The following NHLRC2 variants were observed in gnomAD, a reference collection of about 807,000 sequenced individuals.
The protein encoded by NHLRC2 is NHL repeat-containing protein 2.
NHLRC2 carries 33 observed loss-of-function variants against 68.1 expected under a neutral mutation model. The ratio of observed to expected loss-of-function variants is 0.48; its 90% CI spans 0.37 to 0.65. The LOEUF (loss-of-function observed/expected upper bound fraction) is 0.65. Among genes scored for constraint, NHLRC2 ranks in the 30% least tolerant of loss-of-function variants. The probability of loss-of-function intolerance (pLI) is 0.00; values close to 1 mark genes in which losing one functional copy is unlikely to be tolerated. For missense variants in NHLRC2, 761 were observed against 853.8 expected (o/e 0.89, Z 1.35); for synonymous variants, 311 against 309.6 (o/e 1.00, Z -0.05).
rs767727175 is a variant in NHLRC2, at chr10:113,901,831, A to G, written c.1305A>G (p.Thr435=). Reference sequence around the variant, plus strand: ...TTGTAGCAGATAGTGAGAGCAGTACAGTGAGAACCGTTTCACTGAAAGATG... The same window carrying G: ...TTGTAGCAGATAGTGAGAGCAGTACGGTGAGAACCGTTTCACTGAAAGATG... The part of the protein sequence containing the change: ...CLFVADSESS[T]VRTVSLKDGA... The change falls in exon 7 of 11, where the codon ACA becomes ACG. Residue 435 remains threonine, a synonymous_variant. Coordinates refer to ENST00000369301, the MANE Select transcript of NHLRC2 (RefSeq NM_198514.4). 27 of 1,614,052 alleles carry G rather than the reference A, an allele frequency of 1.7e-5. No homozygotes were observed. Among genetic ancestry groups the G allele is most frequent in the Non-Finnish European group, 2.1e-5 (25 of 1,180,014 alleles).
chr10:113,899,938 T>G (rs1846213694), intron 6 of NHLRC2, among the ~76,000 whole-genome samples: 1 of 151,768 alleles, frequency 6.6e-6, no homozygotes, highest in Admixed American at 6.6e-5. Flanking sequence ...AAATTGAAAT[T>G]GTTCCTTATA....
At chr10:113,864,766 A>G (rs939064970) in intron 2 of NHLRC2, among the ~76,000 whole-genome samples, 1 of 151,690 alleles carries the variant, frequency 6.6e-6, no homozygotes, top group African/African-American at 2.4e-5. Context: ...GAACCTTACA[A>G]GGTCAGAATT....
chr10:113,887,394 C>T (rs1205495325), intron 5 of NHLRC2, among the ~76,000 whole-genome samples: 1 of 152,174 alleles, frequency 6.6e-6, no homozygotes, highest in Non-Finnish European at 1.5e-5. Flanking sequence ...TTTGCACTCC[C>T]ATATTTATTT....
In NHLRC2 at chr10:113,913,589, C is replaced by T. The variant is rs1215395752; in HGVS notation, c.*5053C>T. ...TTGGTCTTCAAAACGTAATTAAGAC[C>T]TTATCATAAAGAGCCTTTTGCACAG... On this transcript the variant is annotated 3_prime_UTR_variant, in exon 11 of 11. Transcript: ENST00000369301. 4 of 152,004 alleles carry T rather than the reference C, an allele frequency of 2.6e-5. No homozygotes were observed. The allele number at this position is 152,004 out of a possible 1,614,324, so 9.4% of individuals were successfully genotyped here. A position where few individuals can be genotyped will look rare whatever the true frequency, so the allele number is the denominator to read the frequency against.
intron 5 of NHLRC2, among the ~76,000 whole-genome samples, chr10:113,884,806 CAA>C (rs1846067233): frequency 6.6e-6 from 1 of 151,480 alleles, no homozygotes; most frequent in South Asian, 2.1e-4. Flanking sequence ...AAAAAGAAAT[CAA>C]AGAGGCAGCT....
At chr10:113,903,436 C>T (rs1846245443) in intron 8 of NHLRC2, 91 bp from the exon 9 acceptor site, 5 of 770,026 alleles carry the variant, frequency 6.5e-6, no homozygotes, top group Admixed American at 4.9e-5. Context: ...TAATGGCAAT[C>T]AGAAATTAGC....
chr10:113,915,286 A>G lies in NHLRC2; in HGVS notation c.*6750A>G. 1 of 454,938 alleles carries G rather than the reference A, an allele frequency of 2.2e-6. No individual in the cohort carries two copies. The highest frequency in any genetic ancestry group is 4.4e-6 in the Non-Finnish European group (1 of 226,290). The allele number at this position is 454,938 out of a possible 1,614,324, so 28.2% of individuals were successfully genotyped here. ...TACCTGTACAAGCAGCCATATACTA[A>G]AAAGCACTAAACAAGCACAAATGAA... On this transcript the variant is annotated 3_prime_UTR_variant, in exon 11 of 11. Transcript: ENST00000369301.
intron 2 of NHLRC2, among the ~76,000 whole-genome samples, chr10:113,872,380 G>A (rs148181135): frequency 2.0e-5 from 3 of 152,104 alleles, no homozygotes; most frequent in East Asian, 1.9e-4. Flanking sequence ...AACCCTATTC[G>A]CAAAATGAAC....
intron 7 of NHLRC2, 138 bp from the exon 8 acceptor site, chr10:113,902,333 C>A: frequency 1.6e-6 from 1 of 615,370 alleles, no homozygotes; most frequent in Non-Finnish European, 2.8e-6. Flanking sequence ...AGTATCCAAC[C>A]CTATTTATAT....
intron 5 of NHLRC2, among the ~76,000 whole-genome samples, chr10:113,896,448 T>C (rs1214399366): frequency 7.2e-6 from 1 of 139,196 alleles, no homozygotes; most frequent in Non-Finnish European, 1.5e-5. Flanking sequence ...TTCTCACTCA[T>C]AGGTGGGAAT....
intron 2 of NHLRC2, among the ~76,000 whole-genome samples, chr10:113,870,775 T>G (rs192488721): frequency 3.3e-5 from 5 of 152,306 alleles, no homozygotes; most frequent in African/African-American, 9.6e-5. Flanking sequence ...TGTACCTCTT[T>G]CTCAGATGCT....
At chr10:113,871,185 C>A (rs528306796) in intron 2 of NHLRC2, among the ~76,000 whole-genome samples, 1 of 151,788 alleles carries the variant, frequency 6.6e-6, no homozygotes, top group African/African-American at 2.4e-5. Context: ...CCACCACGCC[C>A]GGCTAATTTT....
In NHLRC2 at chr10:113,916,967, A is replaced by G. The variant is rs768403426; in HGVS notation, c.*8431A>G. On this transcript the variant is annotated 3_prime_UTR_variant, in exon 11 of 11. Coordinates refer to ENST00000369301, the MANE Select transcript of NHLRC2 (RefSeq NM_198514.4). ...TATTTTTGTACAACATTGTATTTCTACATTTATTTCAAGACTGTACTTTTC... is the reference window on the plus strand; with the variant it reads ...TATTTTTGTACAACATTGTATTTCTGCATTTATTTCAAGACTGTACTTTTC... 6.6e-6 allele frequency: 1 copy of G among 152,196 alleles called. No homozygotes were observed. Among genetic ancestry groups the G allele is most frequent in the Non-Finnish European group, 1.5e-5 (1 of 68,018 alleles). The allele number at this position is 152,196 out of a possible 1,614,324, so 9.4% of individuals were successfully genotyped here. A position where few individuals can be genotyped will look rare whatever the true frequency, so the allele number is the denominator to read the frequency against.
chr10:113,881,286 C>G (rs375783124), intron 4 of NHLRC2, among the ~76,000 whole-genome samples: 1 of 151,554 alleles, frequency 6.6e-6, no homozygotes, highest in South Asian at 2.1e-4. Flanking sequence ...CGAGTATTGA[C>G]CATGTGCTCC....
rs770046904 is a variant in NHLRC2 at position 113,898,128 on chromosome 10, G to A, written c.1058G>A (p.Gly353Asp). The A allele has an allele frequency of 3.1e-6, 5 of 1,610,874 alleles. No homozygotes were observed. Among genetic ancestry groups the A allele is most frequent in the Admixed American group, 1.7e-5 (1 of 60,016 alleles). ...FGTSGSEVQR[G>D]DILWIAMAGT... ...TATAAAGGTTCAGAGGTCCAAAGAG[G>A]TGACATTTTATGGATAGCCATGGCA... The change falls in exon 6 of 11, where the codon GGT becomes GAT. Residue 353 changes from glycine (G) to aspartate (D), a missense_variant. Gly to Asp is a moderately conservative substitution (Grantham distance 94). Coordinates refer to ENST00000369301, the MANE Select transcript of NHLRC2 (RefSeq NM_198514.4).
At chr10:113,897,765 C>A (rs1432878035) in intron 5 of NHLRC2, among the ~76,000 whole-genome samples, 1 of 152,166 alleles carries the variant, frequency 6.6e-6, no homozygotes, top group African/African-American at 2.4e-5. Context: ...TAGTTTATGT[C>A]ATGTAAAATA....
intron 5 of NHLRC2, among the ~76,000 whole-genome samples, chr10:113,885,738 C>A (rs937071195): frequency 6.6e-6 from 1 of 151,968 alleles, no homozygotes; most frequent in East Asian, 1.9e-4. Flanking sequence ...AATATAATTT[C>A]TTTGTATGTA....
intron 4 of NHLRC2, among the ~76,000 whole-genome samples, chr10:113,880,171 T>TA (rs1388295195): frequency 6.6e-6 from 1 of 151,678 alleles, no homozygotes; most frequent in Non-Finnish European, 1.5e-5. Flanking sequence ...TACATAAAGG[T>TA]AAAAAAAAGT....
At position 113,905,671 on chromosome 10, in the gene NHLRC2, TCTCA is replaced by T. The variant is rs372372037; in HGVS notation, c.1924+640_1924+643del. 5.7e-3 allele frequency among the ~76,000 whole-genome samples: 867 copies of T among 152,274 alleles called. 10 individuals are homozygous for T. The highest frequency in any genetic ancestry group is 0.019 in the African/African-American group (787 of 41,556). Reference sequence around the variant, plus strand: ...TGGTCTCCCACGCTCTTTCACACTTTCTCACTCAATTTTCCATTTCCTTCCCAAC... The same window carrying T: ...TGGTCTCCCACGCTCTTTCACACTTTCTCAATTTTCCATTTCCTTCCCAAC... On this transcript the variant is annotated intron_variant, in intron 10 of 10. Coordinates refer to ENST00000369301, the MANE Select transcript of NHLRC2 (RefSeq NM_198514.4).
Sources: gnomAD v4.1 joint callset for allele counts (sites outside exome capture counted in the v4.1 genomes callset) on GRCh38, gnomAD v4.1.1 for gene constraint, MANE v1.5 for transcripts, NCBI Gene and HGNC (gene_info 2026-07-23, HGNC 2026-07-21) for gene names.